Variants in CAMK2D observed in about 807,000 individuals in gnomAD.
CAMK2D encodes the protein calcium/calmodulin-dependent protein kinase type II subunit delta.
CAMK2D carries 37 observed loss-of-function variants against 84.0 expected under a neutral mutation model. The observed-to-expected ratio is 0.44, with a 90% confidence interval of 0.34 to 0.58. The LOEUF (loss-of-function observed/expected upper bound fraction) is 0.58, where lower values mean the gene tolerates loss of function less well. Ranked by LOEUF, CAMK2D falls within the 20% of genes least tolerant of loss-of-function variation. CAMK2D has a pLI of 0.02. For missense variants in CAMK2D, 448 were observed against 652.5 expected (o/e 0.69, Z 3.41); for synonymous variants, 202 against 212.5 (o/e 0.95, Z 0.43).
chr4:113,519,745 T>C (rs1560671727), intron 8 of CAMK2D, among the ~76,000 whole-genome samples: 1 of 152,228 alleles, frequency 6.6e-6, no homozygotes. Flanking sequence ...TTATTGTAGA[T>C]AACATTTATT....
chr4:113,732,025 T>A (rs1206542738), intron 2 of CAMK2D, among the ~76,000 whole-genome samples: 1 of 152,012 alleles, frequency 6.6e-6, no homozygotes, highest in African/African-American at 2.4e-5. Context: ...TGATGTGAGG[T>A]GGGTCATTTC....
rs969466775 is a variant in CAMK2D at position 113,619,531 on chromosome 4, T to C, written c.221-10325A>G. 2.6e-5 allele frequency among the ~76,000 whole-genome samples: 4 copies of C among 152,102 alleles called. No individual in the cohort carries two copies. In the East Asian group the frequency reaches 7.7e-4, roughly 29 times the overall value. ...TCTCCTACTACTCATCCCTGGCCCA[T>C]TGCACTCCAACTTCATTGGCATCCT... On this transcript the variant is annotated intron_variant, in intron 3 of 20. Coordinates refer to ENST00000511664, the MANE Select transcript of CAMK2D (RefSeq NM_001321571.2).
At chr4:113,553,751 T>C (rs2098645660) in intron 4 of CAMK2D, among the ~76,000 whole-genome samples, 1 of 152,254 alleles carries the variant, frequency 6.6e-6, no homozygotes, top group African/African-American at 2.4e-5. Context: ...CATGGTTACA[T>C]GTACGTAATT....
At chr4:113,458,033 A>C (rs1255014195) in intron 18 of CAMK2D, among the ~76,000 whole-genome samples, 2 of 152,164 alleles carry the variant, frequency 1.3e-5, no homozygotes, top group African/African-American at 4.8e-5. Context: ...GAAATATATC[A>C]AGTTTCAGGT....
Position 113,719,153 on chromosome 4 carries a change from T to C in CAMK2D, c.160+40167A>G, listed in dbSNP as rs892092833. Among the ~76,000 whole-genome samples, 3 of 152,194 alleles carry C rather than the reference T, an allele frequency of 2.0e-5. No homozygotes were observed. In the East Asian group the frequency reaches 5.8e-4, roughly 29 times the overall value. On this transcript the variant is annotated intron_variant, in intron 2 of 20. Coordinates refer to ENST00000511664, the MANE Select transcript of CAMK2D (RefSeq NM_001321571.2). The stretch of plus-strand genomic sequence containing the variant: ...AAATTTCCCTATGTCTTGCATCCTT[T>C]ATTCCTGTTAAATAAAATTTATAGG...
At position 113,665,093 on chromosome 4, in the gene CAMK2D, C is replaced by T. The variant is rs1461544647; in HGVS notation, c.161-3321G>A. 3.3e-5 allele frequency among the ~76,000 whole-genome samples: 5 copies of T among 152,160 alleles called. 1 individual carries two copies. The highest frequency in any genetic ancestry group is 4.1e-4 in the South Asian group (2 of 4,822). On this transcript the variant is annotated intron_variant, in intron 2 of 20. Coordinates refer to ENST00000511664, the MANE Select transcript of CAMK2D (RefSeq NM_001321571.2). ...TGCTGGGATTATGGGCATGAGCCACCGTGCCCAGCCCACAGTAGACTTTAT... is the reference window on the plus strand; with the variant it reads ...TGCTGGGATTATGGGCATGAGCCACTGTGCCCAGCCCACAGTAGACTTTAT...
intron 1 of CAMK2D, 108 bp downstream of exon 1, chr4:113,760,896 T>A: frequency 4.2e-6 from 6 of 1,414,382 alleles, no homozygotes; most frequent in Non-Finnish European, 5.0e-6. Flanking sequence ...CTCCTCCCAT[T>A]CCTCTCCCAA....
intron 4 of CAMK2D, among the ~76,000 whole-genome samples, chr4:113,584,027 C>A (rs993768346): frequency 2.6e-5 from 4 of 152,190 alleles, no homozygotes; most frequent in Non-Finnish European, 5.9e-5. Flanking sequence ...AAATCTGATT[C>A]TTGCATTTAC....
At chr4:113,638,397 A>G (rs932100483) in intron 3 of CAMK2D, among the ~76,000 whole-genome samples, 1 of 152,152 alleles carries the variant, frequency 6.6e-6, no homozygotes, top group Non-Finnish European at 1.5e-5. Flanking sequence ...CCTGCGAACA[A>G]TGAGAGAGGT....
At chr4:113,717,587 G>A (rs2099517552) in intron 2 of CAMK2D, among the ~76,000 whole-genome samples, 1 of 151,934 alleles carries the variant, frequency 6.6e-6, no homozygotes, top group African/African-American at 2.4e-5. Flanking sequence ...TTAAGGTAAA[G>A]GCAAATACCT....
intron 13 of CAMK2D, among the ~76,000 whole-genome samples, chr4:113,509,066 T>C (rs920627031): frequency 6.6e-6 from 1 of 152,092 alleles, no homozygotes; most frequent in Admixed American, 6.6e-5. Context: ...AGTAAAAATA[T>C]CCTGCTGTTA....
At chr4:113,736,016 C>T (rs1051612575) in intron 2 of CAMK2D, among the ~76,000 whole-genome samples, 5 of 151,476 alleles carry the variant, frequency 3.3e-5, no homozygotes, top group Admixed American at 6.6e-5. Flanking sequence ...TATTCAGCAA[C>T]GAAATATAGA....
At chr4:113,720,711 G>GAAA (rs58720804) in intron 2 of CAMK2D, among the ~76,000 whole-genome samples, 93 of 150,972 alleles carry the variant, frequency 6.2e-4, no homozygotes, top group Middle Eastern at 3.4e-3. Flanking sequence ...CATAATCACA[G>GAAA]AAAAAAAAAT....
At chr4:113,541,121 A>C (rs1444464717) in intron 6 of CAMK2D, among the ~76,000 whole-genome samples, 3 of 152,212 alleles carry the variant, frequency 2.0e-5, no homozygotes, top group Admixed American at 6.5e-5. Context: ...AAACTGTTCA[A>C]ATGACTCAAA....
At chr4:113,637,768 C>T (rs1027925410) in intron 3 of CAMK2D, among the ~76,000 whole-genome samples, 1 of 151,980 alleles carries the variant, frequency 6.6e-6, no homozygotes, top group Admixed American at 6.6e-5. Context: ...TAAAAGTACA[C>T]ATTTTTTTTT....
At chr4:113,731,792 G>A (rs2148788428) in intron 2 of CAMK2D, among the ~76,000 whole-genome samples, 1 of 152,082 alleles carries the variant, frequency 6.6e-6, no homozygotes, top group East Asian at 1.9e-4. Context: ...CACCATGTTG[G>A]TCAGGCTGGT....
chr4:113,729,335 A>C (rs2099555654), intron 2 of CAMK2D, among the ~76,000 whole-genome samples: 1 of 152,154 alleles, frequency 6.6e-6, no homozygotes, highest in Non-Finnish European at 1.5e-5. Flanking sequence ...TCTCACCATG[A>C]GCCGGAGGAC....
chr4:113,471,298 C>T (rs7684951), intron 16 of CAMK2D, among the ~76,000 whole-genome samples: 2,406 of 152,228 alleles, frequency 0.016, 79 homozygotes, highest in African/African-American at 0.055. Context: ...TTAATTATTT[C>T]ATTTGGTTAC....
intron 2 of CAMK2D, among the ~76,000 whole-genome samples, chr4:113,717,757 CTTAG>C (rs995848810): frequency 5.9e-5 from 9 of 151,846 alleles, no homozygotes; most frequent in Non-Finnish European, 1.0e-4. Flanking sequence ...TCGTAATAGT[CTTAG>C]TTAAATAATT....
Sources: gnomAD v4.1 joint callset for allele counts (sites outside exome capture counted in the v4.1 genomes callset) on GRCh38, gnomAD v4.1.1 for gene constraint, MANE v1.5 for transcripts, NCBI Gene and HGNC (gene_info 2026-07-23, HGNC 2026-07-21) for gene names.